The following ZBTB20 variants were observed in gnomAD, a reference collection of about 807,000 sequenced individuals.
ZBTB20 encodes the protein zinc finger and BTB domain-containing protein 20.
ZBTB20 carries 9 observed loss-of-function variants against 56.9 expected under a neutral mutation model. The ratio of observed to expected loss-of-function variants is 0.16; its 90% CI spans 0.10 to 0.28. The LOEUF (loss-of-function observed/expected upper bound fraction) is 0.28, where lower values mean the gene tolerates loss of function less well. Ranked by LOEUF, ZBTB20 falls within the 10% of genes least tolerant of loss-of-function variation. The pLI is 1.00. For missense variants in ZBTB20, 655 were observed against 1,003.0 expected (o/e 0.65, Z 4.69); for synonymous variants, 417 against 420.7 (o/e 0.99, Z 0.11).
intron 2 of ZBTB20, among the ~76,000 whole-genome samples, chr3:115,033,393 G>T (rs1202000946): frequency 6.6e-6 from 1 of 151,460 alleles, no homozygotes; most frequent in Non-Finnish European, 1.5e-5. Flanking sequence ...ATAAAGAAAA[G>T]TCCTGGACCT....
At chr3:114,714,503 C>T (rs1002914116) in intron 5 of ZBTB20, among the ~76,000 whole-genome samples, 3 of 151,412 alleles carry the variant, frequency 2.0e-5, no homozygotes, top group East Asian at 1.9e-4. Flanking sequence ...CTGCTCTATT[C>T]GCTTCCTTTT....
intron 3 of ZBTB20, among the ~76,000 whole-genome samples, chr3:114,916,048 T>C (rs2075731623): frequency 6.6e-6 from 1 of 152,144 alleles, no homozygotes; most frequent in Non-Finnish European, 1.5e-5. Context: ...AAATGTTATG[T>C]AAATATGTAT....
At chr3:114,658,841 T>C (rs1398294388) in intron 6 of ZBTB20, 1 of 152,200 alleles carries the variant, frequency 6.6e-6, no homozygotes, top group Non-Finnish European at 1.5e-5. Context: ...CCATCTACCC[T>C]TCCACCAGAC....
intron 6 of ZBTB20, among the ~76,000 whole-genome samples, chr3:114,681,987 GT>G (rs1398732437): frequency 6.6e-6 from 1 of 152,088 alleles, no homozygotes; most frequent in South Asian, 2.1e-4. Context: ...GTTAGTTTCT[GT>G]TTTTTCTTTA....
intron 7 of ZBTB20, among the ~76,000 whole-genome samples, chr3:114,478,724 C>T (rs192407493): frequency 2.2e-4 from 34 of 152,124 alleles, no homozygotes; most frequent in Admixed American, 1.4e-3. Flanking sequence ...ACATAGACCC[C>T]GGAAGTCTGA....
intron 4 of ZBTB20, among the ~76,000 whole-genome samples, chr3:114,874,375 G>A (rs2076117875): frequency 6.6e-6 from 1 of 152,104 alleles, no homozygotes; most frequent in African/African-American, 2.4e-5. Context: ...AGAATACAAA[G>A]GGCATTCTTA....
chr3:114,566,795 T>C (rs948454580), intron 6 of ZBTB20, among the ~76,000 whole-genome samples: 1 of 152,190 alleles, frequency 6.6e-6, no homozygotes, highest in African/African-American at 2.4e-5. Flanking sequence ...TTTAATGTAG[T>C]AGAGGTCCCC....
intron 6 of ZBTB20, among the ~76,000 whole-genome samples, chr3:114,651,805 TAA>T (rs1196813022): frequency 1.3e-5 from 2 of 152,064 alleles, no homozygotes; most frequent in Non-Finnish European, 2.9e-5. Flanking sequence ...CTGGGCTTGT[TAA>T]TTAGATATTT....
intron 6 of ZBTB20, among the ~76,000 whole-genome samples, chr3:114,631,804 A>G (rs564623863): frequency 2.6e-5 from 4 of 152,322 alleles, no homozygotes; most frequent in East Asian, 3.9e-4. Flanking sequence ...TAAATGACCA[A>G]TTTGGTAAAC....
intron 4 of ZBTB20, among the ~76,000 whole-genome samples, chr3:114,867,134 T>C (rs545665487): frequency 9.9e-5 from 15 of 152,258 alleles, no homozygotes; most frequent in Non-Finnish European, 1.8e-4. Context: ...AGGAGGATAA[T>C]GTTCTGTGGG....
chr3:114,427,706 C>T (rs538135496), intron 7 of ZBTB20, among the ~76,000 whole-genome samples: 1 of 152,340 alleles, frequency 6.6e-6, no homozygotes, highest in African/African-American at 2.4e-5. Flanking sequence ...TCTGGGTCTT[C>T]CCCTCAGCAC....
At chr3:114,676,392 T>C (rs1424917623) in intron 6 of ZBTB20, among the ~76,000 whole-genome samples, 2 of 152,176 alleles carry the variant, frequency 1.3e-5, no homozygotes, top group African/African-American at 2.4e-5. Context: ...GAGGGTTAAA[T>C]GAGATAATGT....
At chr3:114,867,543 C>G (rs931107003) in intron 4 of ZBTB20, among the ~76,000 whole-genome samples, 1 of 152,156 alleles carries the variant, frequency 6.6e-6, no homozygotes, top group African/African-American at 2.4e-5. Context: ...TCCAGCGATT[C>G]TCATGACTCA....
chr3:114,673,238 G>A (rs1370444935), intron 6 of ZBTB20, among the ~76,000 whole-genome samples: 1 of 152,078 alleles, frequency 6.6e-6, no homozygotes, highest in Admixed American at 6.6e-5. Flanking sequence ...CAGGTAGGCA[G>A]GGCAGGTTCA....
At chr3:114,520,268 C>A (rs1386129752) in intron 6 of ZBTB20, 2 of 152,206 alleles carry the variant, frequency 1.3e-5, no homozygotes, top group East Asian at 3.9e-4. Flanking sequence ...GTACCCCCCA[C>A]ACAAAAATCA....
chr3:114,869,547 T>C (rs1198498241), intron 4 of ZBTB20, among the ~76,000 whole-genome samples: 3 of 152,146 alleles, frequency 2.0e-5, no homozygotes, highest in Non-Finnish European at 2.9e-5. Context: ...AAAAAATTCA[T>C]CAGACTTAAG....
At chr3:114,417,481 C>T (rs2108801926) in intron 7 of ZBTB20, among the ~76,000 whole-genome samples, 1 of 152,170 alleles carries the variant, frequency 6.6e-6, no homozygotes, top group South Asian at 2.1e-4. Context: ...CATTCTTGCG[C>T]TCTTAATTGG....
At chr3:114,589,575 C>A (rs180842333) in intron 6 of ZBTB20, among the ~76,000 whole-genome samples, 1 of 152,178 alleles carries the variant, frequency 6.6e-6, no homozygotes, top group Admixed American at 6.5e-5. Flanking sequence ...AGCAGGGACA[C>A]TTTTGACAGT....
At chr3:114,368,068 A>G (rs1043045902) in intron 10 of ZBTB20, among the ~76,000 whole-genome samples, 1 of 152,150 alleles carries the variant, frequency 6.6e-6, no homozygotes, top group African/African-American at 2.4e-5. Flanking sequence ...TGTAGCCGAC[A>G]CTCAAATTCA....
Sources: allele counts gnomAD v4.1 joint callset (sites outside exome capture counted in the v4.1 genomes callset), GRCh38; gene constraint gnomAD v4.1.1; transcripts MANE v1.5; gene names NCBI Gene and HGNC (gene_info 2026-07-23, HGNC 2026-07-21).